Variants in HOOK2 observed in about 807,000 individuals in gnomAD.
HOOK2 encodes protein Hook homolog 2.
HOOK2 carries 108 observed loss-of-function variants against 111.9 expected under a neutral mutation model. That is an observed-to-expected ratio of 0.96 (90% CI 0.83 to 1.13). HOOK2 has a LOEUF of 1.13. Among genes scored for constraint, HOOK2 ranks in the 50% most tolerant of loss-of-function variants. The pLI is 0.00. For synonymous variants in HOOK2, 405 were observed against 394.3 expected (o/e 1.03, Z -0.32); for missense variants, 978 against 951.3 (o/e 1.03, Z -0.37).
Position 12,764,913 on chromosome 19 carries a change from G to A in HOOK2, c.1728C>T (p.Ala576=), listed in dbSNP as rs1968103328. The change falls in exon 20 of 23, where the codon GCC becomes GCT. Residue 576 remains alanine (A), a synonymous_variant. Coordinates refer to ENST00000397668, the MANE Select transcript of HOOK2 (RefSeq NM_013312.3). The part of the protein sequence containing the change: ...ELEPPTDSST[A]RRIEELQHNL... ...TATGCTGCAGCTCCTCGATCCGCCG[G>A]GCTGCTGGCGGAAGAGGTGGCCCAT... is the stretch of plus-strand genomic sequence containing the variant. 1 of 1,614,160 alleles carries A rather than the reference G, an allele frequency of 6.2e-7. No individual in the cohort carries two copies. The highest frequency in any genetic ancestry group is 8.5e-7 in the Non-Finnish European group (1 of 1,180,038).
chr19:12,768,382 G>A (rs77995368), intron 11 of HOOK2, among the ~76,000 whole-genome samples: 1,584 of 152,066 alleles, frequency 0.01, 19 homozygotes, highest in Non-Finnish European at 0.016. Context: ...GGTGTGAGCC[G>A]TTGCACCCAG....
intron 18 of HOOK2, 75 bp from the exon 19 acceptor site, chr19:12,765,156 C>A (rs1968110760): frequency 6.9e-7 from 1 of 1,444,472 alleles, no homozygotes; most frequent in Non-Finnish European, 9.7e-7. Context: ...TAGCCACAGA[C>A]CTCCCCGCCA....
Position 12,791,667 on chromosome 19 carries a change from AC to A in HOOK2, n.42-17443del, listed in dbSNP as rs954455278. 2.5e-6 allele frequency: 2 copies of A among 788,288 alleles called. No individual in the cohort carries two copies. Among genetic ancestry groups the A allele is most frequent in the African/African-American group, 3.6e-5 (2 of 54,818 alleles). 48.8% of individuals were successfully genotyped at this position (788,288 alleles called of 1,614,324 possible). A position where few individuals can be genotyped will look rare whatever the true frequency, so the allele number is the denominator to read the frequency against. ...CCGCGCCAGCCCCCGAGAACGCGCG[AC>A]CAGGCACCCAGTCCGGTCACCGCAG... On this transcript the variant is annotated intron_variant and non_coding_transcript_variant, in intron 3 of 3. Transcript: ENST00000589765. The surrounding 1 kb of genome is among the most constrained non-coding windows in gnomAD (Gnocchi z 7.0).
At chr19:12,771,601 C>T (rs1968329859) in intron 7 of HOOK2, 124 bp from the exon 8 acceptor site, 4 of 836,286 alleles carry the variant, frequency 4.8e-6, no homozygotes, top group Admixed American at 4.5e-5. Context: ...AGAGGGCTGG[C>T]GCCGGGTGCA....
upstream of HOOK2, among the ~76,000 whole-genome samples, chr19:12,780,343 C>G (rs148648528): frequency 6.6e-6 from 1 of 152,068 alleles, no homozygotes; most frequent in Non-Finnish European, 1.5e-5. Flanking sequence ...GGGTCTATAT[C>G]TGTGTCATTC....
chr19:12,769,882 T>A lies in HOOK2; in HGVS notation c.1103A>T (p.Gln368Leu). Reference protein sequence around the residue: ...LRAQLEAQRRQVQELQGQRQE... With the variant: ...LRAQLEAQRRLVQELQGQRQE... ...GCCCTAACCCCGCCCCCGCCGCACC[T>A]GCCGCCGCTGCGCCTCCAGCTGGGC... Residue 368 changes from glutamine (Q) to leucine (L), a missense_variant and splice_region_variant, in exon 11 of 23, where the codon CAG becomes CTG. This residue lies in a region of HOOK2 where 388 missense variants were observed against 358.3 expected (regional missense o/e 1.08). Transcript: ENST00000397668. 1 of 1,450,120 alleles carries A rather than the reference T, an allele frequency of 6.9e-7. No individual in the cohort carries two copies. The highest frequency in any genetic ancestry group is 9.0e-7 in the Non-Finnish European group (1 of 1,111,176). 89.8% of individuals were successfully genotyped at this position (1,450,120 alleles called of 1,614,324 possible).
At chr19:12,769,795 G>T (rs1395571267) in intron 11 of HOOK2, 86 bp downstream of exon 11, 5 of 1,106,918 alleles carry the variant, frequency 4.5e-6, no homozygotes, top group Non-Finnish European at 6.0e-6. Context: ...TAAGGGAGGG[G>T]ATCAGGGGTG....
intron 18 of HOOK2, 100 bp from the exon 19 acceptor site, chr19:12,765,181 T>A: frequency 8.6e-7 from 1 of 1,160,040 alleles, no homozygotes; most frequent in Non-Finnish European, 1.3e-6. Flanking sequence ...GAAATGCCCC[T>A]ACATGGCCAC....
At chr19:12,774,248 G>A (rs990572828) in intron 3 of HOOK2, 22 of 240,778 alleles carry the variant, frequency 9.1e-5, no homozygotes, top group African/African-American at 4.0e-4. Flanking sequence ...TGGGATTACA[G>A]GTGCACACCA....
intron 7 of HOOK2, 125 bp downstream of exon 7, chr19:12,772,065 A>G: frequency 2.7e-6 from 2 of 742,868 alleles, no homozygotes; most frequent in Non-Finnish European, 4.8e-6. Flanking sequence ...GAGCATCTGT[A>G]AGTGGGGTCT....
chr19:12,769,837 C>A lies in HOOK2; in HGVS notation c.1104+44G>T, dbSNP rs1057360175. 72 of 1,362,176 alleles carry A rather than the reference C, an allele frequency of 5.3e-5. No individual in the cohort carries two copies. The Admixed American group carries it at 2.3e-3, about 44-fold the overall frequency. The allele number at this position is 1,362,176 out of a possible 1,614,324, so 84.4% of individuals were successfully genotyped here. ...GGGCTGGCCAACGGTGAGAGACTTG[C>A]TGCCAGGGGCGGGGCCCCGGCCCTA... On this transcript the variant is annotated intron_variant, in intron 11 of 22. Coordinates refer to ENST00000397668, the MANE Select transcript of HOOK2 (RefSeq NM_013312.3).
At chr19:12,770,889 C>A in intron 10 of HOOK2, 43 bp downstream of exon 10, 1 of 1,559,878 alleles carries the variant, frequency 6.4e-7, no homozygotes, top group Non-Finnish European at 8.7e-7. Flanking sequence ...AACAGGTTTA[C>A]CCCCCGCCCC....
chr19:12,765,144 G>A, intron 18 of HOOK2, 63 bp from the exon 19 acceptor site: 3 of 1,533,708 alleles, frequency 2.0e-6, no homozygotes, highest in Non-Finnish European at 2.7e-6. Flanking sequence ...TTGTCCCAGT[G>A]GTAGCCACAG....
upstream of HOOK2, chr19:12,775,582 C>T (rs1422628341): frequency 6.3e-6 from 5 of 789,074 alleles, no homozygotes; most frequent in Non-Finnish European, 8.4e-6. Flanking sequence ...CCCCCCTAGG[C>T]GCAGGCCCCG....
chr19:12,777,406 G>A (rs1012706348), upstream of HOOK2, among the ~76,000 whole-genome samples: 3 of 149,008 alleles, frequency 2.0e-5, no homozygotes, highest in Admixed American at 1.3e-4. Flanking sequence ...CTTGAGTCCG[G>A]GAGGTCAACG....
rs911332024 is a variant in HOOK2 at position 12,771,026 on chromosome 19, C to G, written c.808G>C (p.Glu270Gln). The G allele has an allele frequency of 1.9e-6, 3 of 1,613,080 alleles. No individual in the cohort carries two copies. Among genetic ancestry groups the G allele is most frequent in the Non-Finnish European group, 2.5e-6 (3 of 1,179,654 alleles). The change falls in exon 10 of 23, where the codon GAG becomes CAG. Residue 270 changes from glutamate to glutamine, a missense_variant. Physicochemically the swap from Glu to Gln is conservative, Grantham distance 29. Coordinates refer to ENST00000397668, the MANE Select transcript of HOOK2 (RefSeq NM_013312.3). Reference protein sequence around the residue: ...EDERLRCAELEREVAELQHRN... With the variant: ...EDERLRCAELQREVAELQHRN... ...TGCTGCAGCTCCGCAACCTCCCTCT[C>G]CAGCTCGGCACAGCGCAGGCGCTCA... is the stretch of plus-strand genomic sequence containing the variant.
chr19:12,771,514 A>T, intron 7 of HOOK2, 37 bp from the exon 8 acceptor site: 1 of 1,565,402 alleles, frequency 6.4e-7, no homozygotes. Flanking sequence ...TCAGGGATTC[A>T]GGAGAAGGAC....
At chr19:12,767,056 G>C (rs1054748373) in intron 14 of HOOK2, among the ~76,000 whole-genome samples, 1 of 152,160 alleles carries the variant, frequency 6.6e-6, no homozygotes, top group African/African-American at 2.4e-5. Context: ...ATCCCGGCAG[G>C]GCACAGGGGA....
At chr19:12,778,477 T>A (rs1468510599), upstream of HOOK2, 1 of 152,242 alleles carries the variant, frequency 6.6e-6, no homozygotes. Context: ...GCTTCCGGAC[T>A]GGGCTGTCTT....
Sources: allele counts gnomAD v4.1 joint callset (sites outside exome capture counted in the v4.1 genomes callset), GRCh38; gene constraint gnomAD v4.1.1; regional missense constraint gnomAD v4.1.1; non-coding constraint Gnocchi (gnomAD v3.1); transcripts MANE v1.5; gene names NCBI Gene and HGNC (gene_info 2026-07-23, HGNC 2026-07-21).